The following STOML3 variants were observed in gnomAD, a reference collection of about 807,000 sequenced individuals.
The protein encoded by STOML3 is stomatin like 3, also known as stomatin-like protein 3.
In STOML3, 31 loss-of-function variants were observed where a neutral mutation model predicts 29.5. The ratio of observed to expected loss-of-function variants is 1.05; its 90% CI spans 0.79 to 1.42. The LOEUF (loss-of-function observed/expected upper bound fraction) is 1.42, where lower values mean the gene tolerates loss of function less well. Ranked by LOEUF, STOML3 falls within the 40% of genes most tolerant of loss-of-function variation. STOML3 has a pLI of 0.00. For synonymous variants in STOML3, 122 were observed against 139.8 expected (o/e 0.87, Z 0.90); for missense variants, 380 against 363.0 (o/e 1.05, Z -0.38).
In STOML3 at chr13:38,966,597, A is replaced by T. The variant is rs1880651680; in HGVS notation, c.*228T>A. 8.3e-6 allele frequency: 3 copies of T among 359,840 alleles called. No individual in the cohort carries two copies. The highest frequency in any genetic ancestry group is 1.5e-5 in the Non-Finnish European group (3 of 199,744). 22.3% of individuals were successfully genotyped at this position (359,840 alleles called of 1,614,324 possible). A position where few individuals can be genotyped will look rare whatever the true frequency, so the allele number is the denominator to read the frequency against. ...CACCACTAATTAATTATATAAGAATATTACAAAGTTGATTATGGTCCTAAA... is the reference window on the plus strand; with the variant it reads ...CACCACTAATTAATTATATAAGAATTTTACAAAGTTGATTATGGTCCTAAA... On this transcript the variant is annotated 3_prime_UTR_variant, in exon 7 of 7. Transcript: ENST00000379631.
chr13:38,973,096 TAAAAAAAAA>T (rs71074495), intron 3 of STOML3, among the ~76,000 whole-genome samples: 13 of 32,570 alleles, frequency 4.0e-4, no homozygotes, highest in South Asian at 1.6e-3. Flanking sequence ...CCGTCTCTAC[TAAAAAAAAA>T]AAAAAAAAAA....
At chr13:38,967,662 T>C (rs896834893) in intron 6 of STOML3, among the ~76,000 whole-genome samples, 1 of 152,148 alleles carries the variant, frequency 6.6e-6, no homozygotes, top group African/African-American at 2.4e-5. Context: ...GCAAAAGTGA[T>C]CTCTCTTCTA....
intron 1 of STOML3, chr13:38,980,011 C>A: frequency 1.3e-6 from 2 of 1,540,436 alleles, no homozygotes; most frequent in Non-Finnish European, 1.8e-6. Flanking sequence ...TTAACACCAG[C>A]TGCACAAGCA....
At position 38,968,960 on chromosome 13, in the gene STOML3, A is replaced by C. The variant is rs923004510; in HGVS notation, c.517-426T>G. ...ATTTGCAGTTGTGAATCATAGGGACAGTTTCTTAACTTATCTGGCTCTCAG... is the reference window on the plus strand; with the variant it reads ...ATTTGCAGTTGTGAATCATAGGGACCGTTTCTTAACTTATCTGGCTCTCAG... On this transcript the variant is annotated intron_variant, in intron 5 of 6. Transcript: ENST00000379631. Among the ~76,000 whole-genome samples the C allele has an allele frequency of 2.6e-5, 4 of 152,314 alleles. 1 individual carries two copies. In the South Asian group the frequency reaches 6.2e-4, roughly 24 times the overall value.
At chr13:38,984,687 A>G (rs1435236129) in intron 1 of STOML3, among the ~76,000 whole-genome samples, 2 of 152,170 alleles carry the variant, frequency 1.3e-5, no homozygotes, top group African/African-American at 4.8e-5. Flanking sequence ...GGTACACTCT[A>G]TGATGTTCTC....
intron 1 of STOML3, chr13:38,980,071 G>T: frequency 6.4e-7 from 1 of 1,551,708 alleles, no homozygotes. Context: ...CGCCTCTGGA[G>T]TTCATCAAGC....
chr13:38,970,050 G>C, intron 5 of STOML3, 135 bp downstream of exon 5: 2 of 698,458 alleles, frequency 2.9e-6, no homozygotes, highest in Admixed American at 2.9e-5. Flanking sequence ...CTCACCTCTA[G>C]AGCAGTTGTC....
At chr13:38,973,096 TAAAAAAAAAAA>T (rs71074495) in intron 3 of STOML3, among the ~76,000 whole-genome samples, 19 of 32,570 alleles carry the variant, frequency 5.8e-4, no homozygotes, top group South Asian at 3.1e-3. Flanking sequence ...CCGTCTCTAC[TAAAAAAAAAAA>T]AAAAAAAAAA....
In STOML3 at chr13:38,966,299, C is replaced by G. The variant is rs986510537; in HGVS notation, c.*526G>C. ...TTGTGGCACGGGGGACATGTTTGAG[C>G]CTGGAAGTTTCCATACTTCTTTTGT... is the stretch of plus-strand genomic sequence containing the variant. On this transcript the variant is annotated 3_prime_UTR_variant, in exon 7 of 7. Transcript: ENST00000379631. 2 of 152,610 alleles carry G rather than the reference C, an allele frequency of 1.3e-5. No individual in the cohort carries two copies. The highest frequency in any genetic ancestry group is 4.8e-5 in the African/African-American group (2 of 41,446). The allele number at this position is 152,610 out of a possible 1,614,324, so 9.5% of individuals were successfully genotyped here. A position where few individuals can be genotyped will look rare whatever the true frequency, so the allele number is the denominator to read the frequency against.
intron 1 of STOML3, chr13:38,980,088 A>T: frequency 1.3e-6 from 2 of 1,551,724 alleles, no homozygotes; most frequent in South Asian, 1.2e-5. Context: ...AAGCCCTTGC[A>T]TCATTACACG....
chr13:38,974,127 T>C (rs765685578), intron 3 of STOML3, among the ~76,000 whole-genome samples: 43 of 152,178 alleles, frequency 2.8e-4, no homozygotes, highest in Non-Finnish European at 5.4e-4. Context: ...TTAAGGACCC[T>C]GGGAACTCTT....
chr13:38,988,216 G>T (rs185210388), intron 1 of STOML3, among the ~76,000 whole-genome samples: 1,861 of 46,134 alleles, frequency 0.04, 153 homozygotes, highest in South Asian at 0.12. Flanking sequence ...TAAAATATAT[G>T]ATATTTTATA....
rs746600527 is a variant in STOML3 at position 38,966,787 on chromosome 13, C to T, written c.*38G>A. On this transcript the variant is annotated 3_prime_UTR_variant, in exon 7 of 7. Transcript: ENST00000379631. ...ACTGGCTTCTCCATAGGAATAGACA[C>T]CACTCTCTATGCAATAGCTGACTAC... is the stretch of plus-strand genomic sequence containing the variant. 3.2e-5 allele frequency: 50 copies of T among 1,546,636 alleles called. No individual in the cohort carries two copies. Among genetic ancestry groups the T allele is most frequent in the Non-Finnish European group, 4.0e-5 (45 of 1,121,674 alleles).
At chr13:38,990,363 C>A (rs1485794849) in intron 1 of STOML3, among the ~76,000 whole-genome samples, 1 of 151,980 alleles carries the variant, frequency 6.6e-6, no homozygotes, top group Non-Finnish European at 1.5e-5. Flanking sequence ...GTTCAAGAAG[C>A]AAATGAAATC....
At chr13:38,985,186 G>A (rs1281424430) in intron 1 of STOML3, among the ~76,000 whole-genome samples, 1 of 152,172 alleles carries the variant, frequency 6.6e-6, no homozygotes, top group Non-Finnish European at 1.5e-5. Context: ...CACTTTGGGA[G>A]GCCAAGGCAG....
chr13:38,990,618 T>C, intron 1 of STOML3, 52 bp downstream of exon 1: 19 of 1,588,372 alleles, frequency 1.2e-5, no homozygotes, highest in Non-Finnish European at 1.6e-5. Context: ...CTACAACTCC[T>C]GCTTTGCCAT....
chr13:38,979,272 A>G (rs1566207425), intron 1 of STOML3, among the ~76,000 whole-genome samples: 1 of 152,204 alleles, frequency 6.6e-6, no homozygotes, highest in African/African-American at 2.4e-5. Context: ...ATGCATTCTC[A>G]TAGAATCTTT....
At position 38,970,300 on chromosome 13, in the gene STOML3, T is replaced by C. The variant is rs781765310; in HGVS notation, c.401A>G (p.Asn134Ser). Residue 134 changes from asparagine (N) to serine (S), a missense_variant, in exon 5 of 7, where the codon AAC becomes AGC. Asn to Ser is a conservative substitution (Grantham distance 46). Transcript: ENST00000379631. ...CAGAAATGTTGCTTGATGGACATCG[T>C]TGACATTAGCCACTGCTGAGACAGC... ...YSAVSAVANV[N>S]DVHQATFLLA... The C allele has an allele frequency of 1.2e-6, 2 of 1,614,204 alleles. No individual in the cohort carries two copies. Among genetic ancestry groups the C allele is most frequent in the South Asian group, 2.2e-5 (2 of 91,084 alleles).
At chr13:38,990,595 C>T in intron 1 of STOML3, 75 bp downstream of exon 1, 2 of 1,476,938 alleles carry the variant, frequency 1.4e-6, no homozygotes, top group Non-Finnish European at 1.9e-6. Flanking sequence ...TTACTCTATA[C>T]CTGTCTATAA....
Sources: allele counts gnomAD v4.1 joint callset (sites outside exome capture counted in the v4.1 genomes callset), GRCh38; gene constraint gnomAD v4.1.1; transcripts MANE v1.5; gene names NCBI Gene and HGNC (gene_info 2026-07-23, HGNC 2026-07-21).